The following MICAL2 variants were observed in gnomAD, a reference collection of about 807,000 sequenced individuals.
The protein encoded by MICAL2 is [F-actin]-monooxygenase MICAL2.
A neutral mutation model predicts 127.3 loss-of-function variants in MICAL2; 77 were observed. That is an observed-to-expected ratio of 0.60 (90% CI 0.50 to 0.73). MICAL2 has a LOEUF of 0.73. Among genes scored for constraint, MICAL2 ranks in the 30% least tolerant of loss-of-function variants. The pLI, the probability that MICAL2 is intolerant of heterozygous loss-of-function variation, is 0.00. For synonymous variants in MICAL2, 570 were observed against 551.1 expected, an observed-to-expected ratio of 1.03 and a Z score of -0.48; for missense variants, 1,351 against 1,434.4, an observed-to-expected ratio of 0.94 and a Z score of 0.94.
chr11:12,318,759 T>G (rs1027209600), intron 29 of MICAL2, among the ~76,000 whole-genome samples: 1 of 152,194 alleles, frequency 6.6e-6, no homozygotes, highest in African/African-American at 2.4e-5. Flanking sequence ...CATGTTGATG[T>G]GTAGGGGCAG....
chr11:12,342,892 G>A (rs1031711687), intron 32 of MICAL2, among the ~76,000 whole-genome samples: 2 of 152,128 alleles, frequency 1.3e-5, no homozygotes, highest in African/African-American at 4.8e-5. Context: ...TGCTGCCTTC[G>A]TCAGGACCCA....
chr11:12,285,973 G>T (rs958635729), intron 2 of MICAL2, among the ~76,000 whole-genome samples: 2 of 152,200 alleles, frequency 1.3e-5, no homozygotes, highest in Non-Finnish European at 2.9e-5. Context: ...CTCTCCAGCA[G>T]TGATGGAGGC....
At chr11:12,344,472 C>CGATTATTAT (rs34112883) in intron 32 of MICAL2, among the ~76,000 whole-genome samples, 3,745 of 141,452 alleles carry the variant, frequency 0.026, 98 homozygotes, top group East Asian at 0.038. Flanking sequence ...ATTCTAGAAA[C>CGATTATTAT]TATTATTATT....
At chr11:12,221,445 C>T (rs1475278461) in intron 9 of MICAL2, among the ~76,000 whole-genome samples, 199 bp from the exon 10 acceptor site, 1 of 152,218 alleles carries the variant, frequency 6.6e-6, no homozygotes, top group Non-Finnish European at 1.5e-5. Context: ...TGCGTCATAG[C>T]ACCCTTTACA....
At chr11:12,257,116 A>C in intron 24 of MICAL2, 145 bp downstream of exon 24, 1 of 872,688 alleles carries the variant, frequency 1.1e-6, no homozygotes. Context: ...CTGCTCAGGG[A>C]GACTGGGAGC....
At chr11:12,219,804 A>G (rs1281651471) in intron 8 of MICAL2, among the ~76,000 whole-genome samples, 2 of 152,242 alleles carry the variant, frequency 1.3e-5, no homozygotes, top group Non-Finnish European at 2.9e-5. Flanking sequence ...CAAGACCATT[A>G]TCAAGTGCAC....
intron 31 of MICAL2, among the ~76,000 whole-genome samples, chr11:12,325,223 C>T (rs1864341390): frequency 6.6e-6 from 1 of 152,162 alleles, no homozygotes; most frequent in African/African-American, 2.4e-5. Context: ...GATTCTCTTG[C>T]CTCAGCCTCC....
chr11:12,152,757 T>C (rs1853737457), intron 2 of MICAL2, among the ~76,000 whole-genome samples: 1 of 150,186 alleles, frequency 6.7e-6, no homozygotes, highest in Non-Finnish European at 1.5e-5. Context: ...TAAAAAGAGG[T>C]AAAAAATATT....
At chr11:12,258,669 AC>A in intron 25 of MICAL2, 113 bp downstream of exon 25, 1 of 913,978 alleles carries the variant, frequency 1.1e-6, no homozygotes, top group Non-Finnish European at 1.7e-6. Context: ...GAGATGACTC[AC>A]AGATAAAGAA....
At chr11:12,218,765 A>G (rs1856485505) in intron 8 of MICAL2, among the ~76,000 whole-genome samples, 1 of 152,206 alleles carries the variant, frequency 6.6e-6, no homozygotes, top group South Asian at 2.1e-4. Flanking sequence ...AGTTTCCAGA[A>G]CAGGGTATTT....
At chr11:12,330,849 C>G (rs79396634) in intron 32 of MICAL2, among the ~76,000 whole-genome samples, 7,095 of 62,760 alleles carry the variant, frequency 0.11, 7 homozygotes, top group Middle Eastern at 0.21. Flanking sequence ...GAGAGAGAGA[C>G]AGAGAGAGGG....
intron 17 of MICAL2, among the ~76,000 whole-genome samples, chr11:12,240,308 T>C (rs1859715277): frequency 6.6e-6 from 1 of 152,190 alleles, no homozygotes; most frequent in Non-Finnish European, 1.5e-5. Context: ...CTGAACTTCC[T>C]TTAGGGTGCT....
In MICAL2 at chr11:12,204,473, G is replaced by A. The variant is rs1854419152; in HGVS notation, c.472+16G>A. ...GACCATATCAGTGAGTGGAGTCTAT[G>A]GTGATATCCCATGAAGGGAGGGGAC... On this transcript the variant is annotated intron_variant, in intron 4 of 27. Coordinates refer to ENST00000683283, the MANE Select transcript of MICAL2 (RefSeq NM_001282663.2). The A allele has an allele frequency of 6.2e-7, 1 of 1,612,470 alleles. No homozygotes were observed. The highest frequency in any genetic ancestry group is 8.5e-7 in the Non-Finnish European group (1 of 1,178,566).
At chr11:12,326,908 T>C (rs1864359417) in intron 31 of MICAL2, among the ~76,000 whole-genome samples, 1 of 152,228 alleles carries the variant, frequency 6.6e-6, no homozygotes, top group African/African-American at 2.4e-5. Flanking sequence ...CATCTGTGAT[T>C]GGCCTTGTCT....
At chr11:12,138,364 T>C (rs577657845) in intron 1 of MICAL2, 26 bp from the exon 2 acceptor site, 1 of 152,334 alleles carries the variant, frequency 6.6e-6, no homozygotes, top group East Asian at 1.9e-4. Flanking sequence ...TCACTGACAT[T>C]AATTGTTGGG....
rs777300056 is a variant in MICAL2, at chr11:12,323,993, A to G, written c.5344A>G (p.Arg1782Gly). 3.7e-6 allele frequency: 6 copies of G among 1,609,220 alleles called. No individual in the cohort carries two copies. The African/African-American group carries it at 5.4e-5, about 14-fold the overall frequency. Residue 1782 changes from arginine to glycine, a missense_variant, in exon 31 of 35, where the codon AGA becomes GGA. Transcript: ENST00000646065. ...GTTTTCATAGGAGAAGAAGACACTT[A>G]GAAGAAGAAAGAAGCTAGAAAAAGC...
chr11:12,339,142 C>A (rs997293022), intron 32 of MICAL2, among the ~76,000 whole-genome samples: 1 of 152,166 alleles, frequency 6.6e-6, no homozygotes, highest in South Asian at 2.1e-4. Flanking sequence ...TTCTTGGAGG[C>A]TTTGTTCATT....
intron 3 of MICAL2, among the ~76,000 whole-genome samples, chr11:12,199,253 C>T (rs1234076467): frequency 6.6e-6 from 1 of 152,092 alleles, no homozygotes; most frequent in Non-Finnish European, 1.5e-5. Context: ...AGGGTAGTTG[C>T]AAGGATGAAA....
chr11:12,136,757 G>C (rs1031847245), intron 1 of MICAL2, among the ~76,000 whole-genome samples: 3 of 152,180 alleles, frequency 2.0e-5, no homozygotes, highest in African/African-American at 7.2e-5. Flanking sequence ...GCTGGACACA[G>C]TGTGCCCAGG....
Sources: gnomAD v4.1 joint callset for allele counts (sites outside exome capture counted in the v4.1 genomes callset) on GRCh38, gnomAD v4.1.1 for gene constraint, MANE v1.5 for transcripts, NCBI Gene and HGNC (gene_info 2026-07-23, HGNC 2026-07-21) for gene names.